Variants in TBL1X observed in about 807,000 individuals in gnomAD.
TBL1X encodes the protein transducin beta like 1 X-linked.
A neutral mutation model predicts 50.7 loss-of-function variants in TBL1X; 10 were observed. The observed-to-expected ratio is 0.20, with a 90% confidence interval of 0.12 to 0.33. The LOEUF is 0.33. Among genes scored for constraint, TBL1X ranks in the 10% least tolerant of loss-of-function variants. The probability of loss-of-function intolerance (pLI) is 1.00; values close to 1 mark genes in which losing one functional copy is unlikely to be tolerated. For synonymous variants in TBL1X, 190 were observed against 214.7 expected (o/e 0.88, Z 1.01); for missense variants, 340 against 504.4 (o/e 0.67, Z 3.12).
intron 2 of TBL1X, among the ~76,000 whole-genome samples, chrX:9,524,117 G>A (rs996232641): frequency 4.6e-5 from 5 of 109,042 alleles, no homozygotes; most frequent in Admixed American, 9.7e-5. Flanking sequence ...ACAGGCACAC[G>A]CCACCACACC....
intron 2 of TBL1X, among the ~76,000 whole-genome samples, chrX:9,549,383 A>G (rs1428484066): frequency 8.9e-6 from 1 of 112,756 alleles, no homozygotes; most frequent in Non-Finnish European, 1.9e-5. Context: ...CTAAAAGAGG[A>G]TTTTGTCATG....
intron 5 of TBL1X, among the ~76,000 whole-genome samples, chrX:9,678,959 A>G (rs1266452978): frequency 5.4e-5 from 6 of 111,150 alleles, no homozygotes; most frequent in African/African-American, 2.0e-4. Flanking sequence ...AGGACTTTAC[A>G]TGGAAGATCC....
chrX:9,536,580 A>C (rs2082189144), intron 2 of TBL1X, among the ~76,000 whole-genome samples: 1 of 111,488 alleles, frequency 9.0e-6, no homozygotes, highest in Non-Finnish European at 1.9e-5. Flanking sequence ...TGTAGTATTC[A>C]TGTCTTACTG....
At chrX:9,711,854 G>A (rs2083249389) in intron 16 of TBL1X, 78 bp downstream of exon 16, 4 of 1,056,334 alleles carry the variant, frequency 3.8e-6, no homozygotes, top group Non-Finnish European at 5.0e-6. Context: ...CCTTGGCTCA[G>A]AGCAGTGCCC....
intron 2 of TBL1X, among the ~76,000 whole-genome samples, chrX:9,520,718 G>A (rs1334778216): frequency 9.0e-6 from 1 of 111,020 alleles, no homozygotes; most frequent in Non-Finnish European, 1.9e-5. Context: ...GATAAGGGGA[G>A]ACGTAGAACA....
At chrX:9,618,749 C>T (rs956776379) in intron 2 of TBL1X, among the ~76,000 whole-genome samples, 26 of 112,195 alleles carry the variant, frequency 2.3e-4, no homozygotes, top group African/African-American at 3.6e-4. Context: ...TTTATCACTT[C>T]GTAGATGTAT....
At chrX:9,531,465 A>G (rs1051832109) in intron 2 of TBL1X, among the ~76,000 whole-genome samples, 1 of 102,169 alleles carries the variant, frequency 9.8e-6, no homozygotes, top group Admixed American at 1.1e-4. Context: ...TGGTTGATTA[A>G]ATGTCAATAA....
At chrX:9,669,498 G>T (rs2082948695) in intron 5 of TBL1X, among the ~76,000 whole-genome samples, 1 of 111,902 alleles carries the variant, frequency 8.9e-6, no homozygotes, top group Non-Finnish European at 1.9e-5. Context: ...GGTTCTCAGA[G>T]ATGTTCACCT....
intron 2 of TBL1X, among the ~76,000 whole-genome samples, chrX:9,629,565 A>G (rs2082709838): frequency 8.9e-6 from 1 of 112,510 alleles, no homozygotes; most frequent in African/African-American, 3.2e-5. Flanking sequence ...CAGTGCTTTT[A>G]GTGAGTATGC....
intron 2 of TBL1X, chrX:9,636,226 TGG>T (rs1362760269): frequency 9.1e-6 from 1 of 110,214 alleles, no homozygotes; most frequent in Non-Finnish European, 1.9e-5. Context: ...TTGACATAGG[TGG>T]TGGTTGCATA....
chrX:9,653,598 C>G lies in TBL1X; in HGVS notation c.12C>G (p.Leu4=). 1.7e-6 allele frequency: 2 copies of G among 1,169,748 alleles called. No homozygotes were observed. The highest frequency in any genetic ancestry group is 2.3e-4 in the Middle Eastern group (1 of 4,312). MTE[L]AGASSSCCHR... ...AGGTGACATGTAGCATGACCGAGCT[C>G]GCTGGCGCCTCTTCATCGTGCTGCC... The change falls in exon 4 of 18, where the codon CTC becomes CTG. Residue 4 remains leucine, a synonymous_variant. Transcript: ENST00000645353.
intron 2 of TBL1X, among the ~76,000 whole-genome samples, chrX:9,507,469 A>G (rs1466759119): frequency 4.4e-5 from 5 of 112,370 alleles, no homozygotes; most frequent in African/African-American, 9.7e-5. Flanking sequence ...AAAACATTCC[A>G]TGCTCATGGA....
chrX:9,512,673 A>G (rs1178535690), intron 2 of TBL1X, among the ~76,000 whole-genome samples: 13 of 109,513 alleles, frequency 1.2e-4, no homozygotes, highest in African/African-American at 4.0e-4. Context: ...AATTTTTTGT[A>G]GTTTTGGTAG....
intron 2 of TBL1X, among the ~76,000 whole-genome samples, chrX:9,528,367 G>T (rs185719990): frequency 8.1e-5 from 9 of 111,266 alleles, no homozygotes; most frequent in African/African-American, 2.9e-4. Context: ...ATATGCAGGG[G>T]GTCTTAGGAA....
At chrX:9,506,984 A>C (rs957857527) in intron 2 of TBL1X, among the ~76,000 whole-genome samples, 2 of 112,034 alleles carry the variant, frequency 1.8e-5, no homozygotes, top group East Asian at 5.6e-4. Context: ...AGCCAATATC[A>C]TACTAAATGG....
At chrX:9,464,606 C>T (rs1423024604), upstream of TBL1X, among the ~76,000 whole-genome samples, 1 of 110,817 alleles carries the variant, frequency 9.0e-6, no homozygotes, top group Non-Finnish European at 1.9e-5. Flanking sequence ...ATCGAGGTTC[C>T]CCTGCCCCCT....
chrX:9,539,002 G>A (rs1406416405), intron 2 of TBL1X, among the ~76,000 whole-genome samples: 4 of 112,527 alleles, frequency 3.6e-5, no homozygotes, highest in Non-Finnish European at 7.5e-5. Context: ...ATAACAGGAC[G>A]GTTGAGAAGC....
At chrX:9,685,958 G>A (rs1306637832) in intron 6 of TBL1X, among the ~76,000 whole-genome samples, 2 of 110,745 alleles carry the variant, frequency 1.8e-5, no homozygotes, top group South Asian at 3.8e-4. Context: ...ATCCTCCCGC[G>A]ATCCTCCCGC....
intron 16 of TBL1X, among the ~76,000 whole-genome samples, chrX:9,714,491 G>T (rs1265792626): frequency 9.0e-6 from 1 of 111,520 alleles, no homozygotes; most frequent in Non-Finnish European, 1.9e-5. Context: ...CTGACCCTGG[G>T]AAGGAGACGG....
Sources: gnomAD v4.1 joint callset for allele counts (sites outside exome capture counted in the v4.1 genomes callset) on GRCh38, gnomAD v4.1.1 for gene constraint, MANE v1.5 for transcripts, NCBI Gene and HGNC (gene_info 2026-07-23, HGNC 2026-07-21) for gene names.